The following MYDGF variants were observed in gnomAD, a reference collection of about 807,000 sequenced individuals.
MYDGF encodes the protein myeloid derived growth factor.
Under a neutral mutation model 24.2 loss-of-function variants are expected in MYDGF, and 29 were observed. That is an observed-to-expected ratio of 1.20 (90% CI 0.89 to 1.63). The LOEUF is 1.63. Among genes scored for constraint, MYDGF ranks in the 40% most tolerant of loss-of-function variants. The pLI, the probability that MYDGF is intolerant of heterozygous loss-of-function variation, is 0.00. For synonymous variants in MYDGF, 105 were observed against 102.5 expected, an observed-to-expected ratio of 1.02 and a Z score of -0.15; for missense variants, 245 against 234.8, an observed-to-expected ratio of 1.04 and a Z score of -0.29.
At chr19:4,665,787 C>G (rs2088515730) in intron 2 of MYDGF, among the ~76,000 whole-genome samples, 1 of 135,784 alleles carries the variant, frequency 7.4e-6, no homozygotes, top group African/African-American at 2.7e-5. Flanking sequence ...CGCCACTGCA[C>G]TCCAGCCTGG....
chr19:4,668,922 C>A (rs928311561), intron 1 of MYDGF, among the ~76,000 whole-genome samples: 1 of 151,326 alleles, frequency 6.6e-6, no homozygotes, highest in Non-Finnish European at 1.5e-5. Context: ...CAGCTCACTG[C>A]AACTTCTGCC....
At chr19:4,661,937 A>C (rs2088474182) in intron 3 of MYDGF, among the ~76,000 whole-genome samples, 1 of 152,138 alleles carries the variant, frequency 6.6e-6, no homozygotes, top group South Asian at 2.1e-4. Flanking sequence ...GCTGGCACTC[A>C]GGGGTCCATG....
At chr19:4,660,622 G>A in intron 4 of MYDGF, 47 bp downstream of exon 4, 2 of 1,547,466 alleles carry the variant, frequency 1.3e-6, no homozygotes, top group East Asian at 4.5e-5. Context: ...AGCTGCCCCA[G>A]TGCACAGAAG....
At chr19:4,667,882 G>C (rs1346162619) in intron 2 of MYDGF, among the ~76,000 whole-genome samples, 2 of 152,092 alleles carry the variant, frequency 1.3e-5, no homozygotes, top group East Asian at 1.9e-4. Flanking sequence ...ATTTTCTGTA[G>C]AGATGGGGCA....
In MYDGF at chr19:4,670,182, GA is replaced by G; in HGVS notation, c.152del (p.Phe51SerfsTer29). On this transcript the variant is annotated frameshift_variant, in exon 1 of 6. Transcript: ENST00000262947. LOFTEE classifies it high-confidence loss of function. The part of the protein sequence containing the change: ...DVRPGGVVHS[F>X]SHNVGPGDKY... Reference sequence around the variant, plus strand: ...GTACCCCCGGGCCCACGTTATGGGAGAAGGAATGCACGACGCCGCCGGGCCG... The same window carrying G: ...GTACCCCCGGGCCCACGTTATGGGAGAGGAATGCACGACGCCGCCGGGCCG... 6.4e-7 allele frequency: 1 copy of G among 1,553,990 alleles called. No individual in the cohort carries two copies. Among genetic ancestry groups the G allele is most frequent in the Non-Finnish European group, 8.7e-7 (1 of 1,152,974 alleles).
chr19:4,664,897 T>G lies in MYDGF; in HGVS notation c.266A>C (p.His89Pro), dbSNP rs1338995348. 2.5e-6 allele frequency: 4 copies of G among 1,612,872 alleles called. No individual in the cohort carries two copies. Among genetic ancestry groups the G allele is most frequent in the Non-Finnish European group, 3.4e-6 (4 of 1,179,874 alleles). ...TCACCTCCAGATGGTGCAGGTGAAGTGCTGGTGGTCTTCGCTGGTCCCCAG... is the reference window on the plus strand; with the variant it reads ...TCACCTCCAGATGGTGCAGGTGAAGGGCTGGTGGTCTTCGCTGGTCCCCAG... ...MSLGTSEDHQ[H>P]FTCTIWRPQG... Residue 89 changes from histidine to proline, a missense_variant, in exon 3 of 6, where the codon CAC (histidine) becomes CCC (proline). By Grantham distance (77) the His-to-Pro change is moderately conservative. Coordinates refer to ENST00000262947, the MANE Select transcript of MYDGF (RefSeq NM_019107.4).
At chr19:4,659,411 G>A (rs183683349) in intron 5 of MYDGF, among the ~76,000 whole-genome samples, 12 of 151,992 alleles carry the variant, frequency 7.9e-5, no homozygotes, top group South Asian at 2.1e-4. Context: ...TTTTAGTAGA[G>A]ATGGGGTTTC....
At position 4,660,014 on chromosome 19, in the gene MYDGF, A is replaced by G; in HGVS notation, c.370-11T>C. 1 of 1,612,874 alleles carries G rather than the reference A, an allele frequency of 6.2e-7. No homozygotes were observed. The highest frequency in any genetic ancestry group is 8.5e-7 in the Non-Finnish European group (1 of 1,179,086). ...AAATGCGGCTTTAGACTGAAAAAGA[A>G]TGAGTGGAAACTTTACCAGGGCCAG... On this transcript the variant is annotated splice_polypyrimidine_tract_variant and intron_variant, in intron 4 of 5. Coordinates refer to ENST00000262947, the MANE Select transcript of MYDGF (RefSeq NM_019107.4).
At chr19:4,662,623 G>C (rs968028682) in intron 3 of MYDGF, among the ~76,000 whole-genome samples, 1 of 152,120 alleles carries the variant, frequency 6.6e-6, no homozygotes, top group Non-Finnish European at 1.5e-5. Context: ...GGACCCAGAT[G>C]CATGTGTGTT....
chr19:4,660,692 C>T lies in MYDGF; in HGVS notation c.346G>A (p.Glu116Lys). Residue 116 changes from glutamate to lysine, a missense_variant, in exon 4 of 6, where the codon GAG becomes AAG. Glu to Lys is a moderately conservative substitution (Grantham distance 56). Transcript: ENST00000262947. ...ACGTAGGCCATGGCGTACTCAATCT[C>T]AGCGCCCCGCACCTCTGCCTTGAAC... Reference protein sequence around the residue: ...TQFKAEVRGAEIEYAMAYSKA... With the variant: ...TQFKAEVRGAKIEYAMAYSKA... 2 of 1,614,128 alleles carry T rather than the reference C, an allele frequency of 1.2e-6. No homozygotes were observed. Among genetic ancestry groups the T allele is most frequent in the Non-Finnish European group, 1.7e-6 (2 of 1,180,014 alleles).
At chr19:4,666,326 A>AGTGCAGTG (rs1271414110) in intron 2 of MYDGF, among the ~76,000 whole-genome samples, 3 of 148,524 alleles carry the variant, frequency 2.0e-5, no homozygotes, top group Non-Finnish European at 4.4e-5. Flanking sequence ...CCCAGGCTGG[A>AGTGCAGTG]GTGCAGTGGT....
chr19:4,665,804 G>C lies in MYDGF; in HGVS notation c.226-867C>G, dbSNP rs532732767. Among the ~76,000 whole-genome samples, 676 of 114,876 alleles carry C rather than the reference G, an allele frequency of 5.9e-3. 4 individuals are homozygous for C. Among genetic ancestry groups the C allele is most frequent in the Middle Eastern group, 0.01 (1 of 100 alleles). The allele number at this position is 114,876 out of a possible 152,430, so 75.4% of individuals were successfully genotyped here. On this transcript the variant is annotated intron_variant, in intron 2 of 5. Transcript: ENST00000262947. ...CCACTGCACTCCAGCCTGGGCGACA[G>C]AGCGAGACTCTGTCTCAAAAAAAAA...
At position 4,670,318 on chromosome 19, in the gene MYDGF, C is replaced by G; in HGVS notation, c.17G>C (p.Gly6Ala). The change falls in exon 1 of 6, where the codon GGA becomes GCA. Residue 6 changes from glycine to alanine, a missense_variant. Physicochemically the swap from Gly to Ala is moderately conservative, Grantham distance 60 (BLOSUM62 0). Coordinates refer to ENST00000262947, the MANE Select transcript of MYDGF (RefSeq NM_019107.4). MAAPS[G>A]GWNGVGASLW... ...GCTCGCGCCGACGCCGTTCCACCCT[C>G]CGCTGGGCGCCGCCATGTTGGACTA... 6.8e-7 allele frequency: 1 copy of G among 1,462,980 alleles called. No homozygotes were observed. Among genetic ancestry groups the G allele is most frequent in the Non-Finnish European group, 9.0e-7 (1 of 1,106,170 alleles). The allele number at this position is 1,462,980 out of a possible 1,614,324, so 90.6% of individuals were successfully genotyped here.
At chr19:4,666,469 T>C (rs1209844962) in intron 2 of MYDGF, among the ~76,000 whole-genome samples, 2 of 151,562 alleles carry the variant, frequency 1.3e-5, no homozygotes, top group Non-Finnish European at 2.9e-5. Flanking sequence ...AGAGATGGGG[T>C]TTCACCATCT....
chr19:4,659,715 C>G (rs1045520432), intron 5 of MYDGF: 1 of 591,306 alleles, frequency 1.7e-6, no homozygotes, highest in Non-Finnish European at 3.0e-6. Flanking sequence ...ATACTGTCTG[C>G]AGCAGCTTTG....
intron 5 of MYDGF, 106 bp downstream of exon 5, chr19:4,659,825 A>G (rs2088455710): frequency 2.1e-6 from 2 of 947,142 alleles, no homozygotes; most frequent in Non-Finnish European, 3.4e-6. Context: ...TGCCTGGTCT[A>G]CAGTCTCCAG....
intron 5 of MYDGF, among the ~76,000 whole-genome samples, chr19:4,658,550 C>T (rs1199134136): frequency 6.6e-6 from 1 of 152,166 alleles, no homozygotes; most frequent in Admixed American, 6.5e-5. Flanking sequence ...CCAAGTCTCC[C>T]GGCCCTACCT....
rs1320721665 is a variant in MYDGF at position 4,660,716 on chromosome 19, A to C, written c.322T>G (p.Phe108Val). 6.2e-7 allele frequency: 1 copy of C among 1,613,898 alleles called. No homozygotes were observed. Among genetic ancestry groups the C allele is most frequent in the Non-Finnish European group, 8.5e-7 (1 of 1,179,992 alleles). Residue 108 changes from phenylalanine (F) to valine (V), a missense_variant, in exon 4 of 6, where the codon TTC (phenylalanine) becomes GTC (valine). Physicochemically the swap from Phe to Val is conservative, Grantham distance 50. Transcript: ENST00000262947. ...TCAGCGCCCCGCACCTCTGCCTTGA[A>C]CTGTGTGAAGTACAGATAGGACTTC... ...QGKSYLYFTQ[F>V]KAEVRGAEIE...
At position 4,661,050 on chromosome 19, in the gene MYDGF, T is replaced by C. The variant is rs141661531; in HGVS notation, c.288-300A>G. Among the ~76,000 whole-genome samples the C allele has an allele frequency of 3.9e-3, 573 of 147,944 alleles. 2 individuals carry two copies. The highest frequency in any genetic ancestry group is 0.014 in the African/African-American group (563 of 39,912). ...TGGCACAATCTCACTCACTGCAGCCTCTGCCTCCTGGGTTTAAGTGATTCT... is the reference window on the plus strand; with the variant it reads ...TGGCACAATCTCACTCACTGCAGCCCCTGCCTCCTGGGTTTAAGTGATTCT... On this transcript the variant is annotated intron_variant, in intron 3 of 5. Coordinates refer to ENST00000262947, the MANE Select transcript of MYDGF (RefSeq NM_019107.4).
Sources: allele counts gnomAD v4.1 joint callset (sites outside exome capture counted in the v4.1 genomes callset), GRCh38; gene constraint gnomAD v4.1.1; transcripts MANE v1.5; gene names NCBI Gene and HGNC (gene_info 2026-07-23, HGNC 2026-07-21).